Variants in GNA14 observed in about 807,000 individuals in gnomAD.
GNA14 encodes G protein subunit alpha 14, also known as guanine nucleotide-binding protein subunit alpha-14.
A neutral mutation model predicts 42.0 loss-of-function variants in GNA14; 50 were observed. The ratio of observed to expected loss-of-function variants is 1.19; its 90% CI spans 0.95 to 1.51. The LOEUF (loss-of-function observed/expected upper bound fraction) is 1.51. Among genes scored for constraint, GNA14 ranks in the 40% most tolerant of loss-of-function variants. The pLI, the probability that GNA14 is intolerant of heterozygous loss-of-function variation, is 0.00. For missense variants in GNA14, 473 were observed against 446.2 expected, an observed-to-expected ratio of 1.06 and a Z score of -0.54; for synonymous variants, 173 against 163.1, an observed-to-expected ratio of 1.06 and a Z score of -0.46.
In GNA14 at chr9:77,552,146, A is replaced by AG. The variant is rs1473757754; in HGVS notation, c.125-22894dup. Among the ~76,000 whole-genome samples, 5 of 143,820 alleles carry AG rather than the reference A, an allele frequency of 3.5e-5. 1 individual carries two copies. The East Asian group carries it at 1.0e-3, about 29-fold the overall frequency. 94.4% of individuals were successfully genotyped at this position (143,820 alleles called of 152,430 possible). ...CATCTCAAAAAAAAAAAAAAAAAAA[A>AG]GAAAAAGAAAGAAAGAAATTCAACA... On this transcript the variant is annotated intron_variant, in intron 1 of 6. Coordinates refer to ENST00000341700, the MANE Select transcript of GNA14 (RefSeq NM_004297.4).
chr9:77,539,837 C>A (rs72730894), intron 1 of GNA14, among the ~76,000 whole-genome samples: 3,132 of 152,008 alleles, frequency 0.021, 115 homozygotes, highest in African/African-American at 0.068. Flanking sequence ...TTTTGTACTT[C>A]TGTCTCCTTT....
intron 2 of GNA14, among the ~76,000 whole-genome samples, chr9:77,448,081 T>C (rs1281852911): frequency 1.3e-5 from 2 of 152,210 alleles, no homozygotes; most frequent in East Asian, 3.8e-4. Context: ...AGACTGCCTG[T>C]TTTTGCTAAT....
At chr9:77,552,823 T>C (rs1222155528) in intron 1 of GNA14, among the ~76,000 whole-genome samples, 1 of 152,224 alleles carries the variant, frequency 6.6e-6, no homozygotes, top group Non-Finnish European at 1.5e-5. Context: ...TTAAGCATCT[T>C]AATTGAAATG....
At chr9:77,622,441 G>C (rs1488960747) in intron 1 of GNA14, among the ~76,000 whole-genome samples, 1 of 152,122 alleles carries the variant, frequency 6.6e-6, no homozygotes, top group Non-Finnish European at 1.5e-5. Context: ...ATGGGTGTGG[G>C]TACAGAATTG....
intron 2 of GNA14, among the ~76,000 whole-genome samples, chr9:77,497,931 A>G (rs2131740978): frequency 6.6e-6 from 1 of 152,316 alleles, no homozygotes; most frequent in South Asian, 2.1e-4. Flanking sequence ...ATATTGCTGC[A>G]TCTGGAAATA....
intron 1 of GNA14, among the ~76,000 whole-genome samples, chr9:77,555,320 A>G (rs779231223): frequency 3.9e-5 from 6 of 152,172 alleles, no homozygotes; most frequent in Non-Finnish European, 7.3e-5. Flanking sequence ...AGCCTGACCA[A>G]CATGGCGAAA....
chr9:77,559,598 C>T (rs1822846693), intron 1 of GNA14, among the ~76,000 whole-genome samples: 2 of 152,034 alleles, frequency 1.3e-5, no homozygotes, highest in Non-Finnish European at 2.9e-5. Flanking sequence ...TATGTGCAAG[C>T]TGGCATTAAG....
At chr9:77,452,569 T>TG (rs2131705111) in intron 2 of GNA14, among the ~76,000 whole-genome samples, 5 of 9,532 alleles carry the variant, frequency 5.2e-4, no homozygotes, top group Non-Finnish European at 9.4e-4. Context: ...TGTGTGTGTG[T>TG]GTATGTGCAT....
At chr9:77,554,278 G>A (rs924069927) in intron 1 of GNA14, among the ~76,000 whole-genome samples, 3 of 152,348 alleles carry the variant, frequency 2.0e-5, no homozygotes, top group African/African-American at 7.2e-5. Flanking sequence ...ACATCTGTAA[G>A]TTGGAATTAT....
At chr9:77,475,847 C>T (rs536997673) in intron 2 of GNA14, among the ~76,000 whole-genome samples, 31 of 152,218 alleles carry the variant, frequency 2.0e-4, no homozygotes, top group African/African-American at 5.3e-4. Flanking sequence ...AGAAGCTGCT[C>T]GATGCTGTGG....
At chr9:77,562,280 G>A (rs576262228) in intron 1 of GNA14, among the ~76,000 whole-genome samples, 83 of 152,256 alleles carry the variant, frequency 5.5e-4, no homozygotes, top group African/African-American at 1.9e-3. Context: ...AGTCTGGGGA[G>A]AAAGAAAGTA....
At chr9:77,500,544 A>G (rs964711533) in intron 2 of GNA14, among the ~76,000 whole-genome samples, 11 of 152,120 alleles carry the variant, frequency 7.2e-5, no homozygotes, top group African/African-American at 2.7e-4. Flanking sequence ...GATATAGAAC[A>G]TTTCTGCCAC....
In GNA14 at chr9:77,452,743, T is replaced by C. The variant is rs1252003780; in HGVS notation, c.310-18221A>G. Among the ~76,000 whole-genome samples, 4 of 150,738 alleles carry C rather than the reference T, an allele frequency of 2.7e-5. 1 individual carries two copies. The South Asian group carries it at 8.4e-4, about 32-fold the overall frequency. On this transcript the variant is annotated intron_variant, in intron 2 of 6. Coordinates refer to ENST00000341700, the MANE Select transcript of GNA14 (RefSeq NM_004297.4). ...TCTCTCCAAAATCCATACGTTGAAC[T>C]CTCATCCCCAACGTGGAGGTATTAA...
At chr9:77,597,101 G>A (rs1036754603) in intron 1 of GNA14, among the ~76,000 whole-genome samples, 3 of 152,120 alleles carry the variant, frequency 2.0e-5, no homozygotes, top group Non-Finnish European at 4.4e-5. Flanking sequence ...ACTGAGACCT[G>A]TCTTAGATTT....
rs1824383731 is a variant in GNA14 at position 77,647,767 on chromosome 9, C to A, written c.27G>T (p.Ala9=). 1 of 1,609,950 alleles carries A rather than the reference C, an allele frequency of 6.2e-7. No individual in the cohort carries two copies. The highest frequency in any genetic ancestry group is 1.3e-5 in the African/African-American group (1 of 74,892). The change falls in exon 1 of 7, where the codon GCG becomes GCT. Residue 9 remains alanine (A), a synonymous_variant. Transcript: ENST00000341700. The part of the protein sequence containing the change: MAGCCCLS[A]EEKESQRISA... ...TGATGCGCTGCGACTCCTTCTCCTC[C>A]GCGGACAGGCAGCAGCAGCCGGCCA... is the stretch of plus-strand genomic sequence containing the variant.
intron 2 of GNA14, among the ~76,000 whole-genome samples, chr9:77,467,000 GGTGTGTGTGTGT>G (rs59321037): frequency 6.3e-5 from 9 of 143,502 alleles, no homozygotes; most frequent in African/African-American, 1.3e-4. Flanking sequence ...TTTACCACTC[GGTGTGTGTGTGT>G]GTGTGTGTGT....
rs138344597 is a variant in GNA14 at position 77,433,843 on chromosome 9, G to A, written c.464+525C>T. Among the ~76,000 whole-genome samples, 62 of 152,308 alleles carry A rather than the reference G, an allele frequency of 4.1e-4. 1 individual carries two copies. In the East Asian group the frequency reaches 0.011, roughly 27 times the overall value. Reference sequence around the variant, plus strand: ...TGAGCTTCCTGTGTGTGCTGCGAGCGCAGCCTCCTATCTGTGCCACTAGAG... The same window carrying A: ...TGAGCTTCCTGTGTGTGCTGCGAGCACAGCCTCCTATCTGTGCCACTAGAG... On this transcript the variant is annotated intron_variant, in intron 3 of 6. Coordinates refer to ENST00000341700, the MANE Select transcript of GNA14 (RefSeq NM_004297.4).
In GNA14 at chr9:77,608,359, G is replaced by A. The variant is rs768904442; in HGVS notation, c.124+39311C>T. On this transcript the variant is annotated intron_variant, in intron 1 of 6. Transcript: ENST00000341700. ...GAGGAATTTTGCTTCAGGATGAATC[G>A]TACCTTGAGTATCACCTATACCTAA... 4.6e-5 allele frequency among the ~76,000 whole-genome samples: 7 copies of A among 152,112 alleles called. No individual in the cohort carries two copies. The East Asian group carries it at 1.2e-3, about 25-fold the overall frequency.
In GNA14 at chr9:77,496,917, G is replaced by C. The variant is rs554345887; in HGVS notation, c.309+32152C>G. On this transcript the variant is annotated intron_variant, in intron 2 of 6. Coordinates refer to ENST00000341700, the MANE Select transcript of GNA14 (RefSeq NM_004297.4). ...GCTTTTGTACCCATTATCCTGCTTTGTCAGATAACAACATTGAACAGTATT... is the reference window on the plus strand; with the variant it reads ...GCTTTTGTACCCATTATCCTGCTTTCTCAGATAACAACATTGAACAGTATT... Among the ~76,000 whole-genome samples, 9 of 152,232 alleles carry C rather than the reference G, an allele frequency of 5.9e-5. No individual in the cohort carries two copies. The East Asian group carries it at 1.7e-3, about 29-fold the overall frequency.
Sources: gnomAD v4.1 joint callset for allele counts (sites outside exome capture counted in the v4.1 genomes callset) on GRCh38, gnomAD v4.1.1 for gene constraint, MANE v1.5 for transcripts, NCBI Gene and HGNC (gene_info 2026-07-23, HGNC 2026-07-21) for gene names.